PAK5: variants seen among roughly 807,000 people sequenced by gnomAD.
PAK5 encodes the protein p21 (RAC1) activated kinase 5, also known as serine/threonine-protein kinase PAK 5.
In PAK5, 16 loss-of-function variants were observed where a neutral mutation model predicts 65.9. The ratio of observed to expected loss-of-function variants is 0.24; its 90% CI spans 0.16 to 0.37. The LOEUF (loss-of-function observed/expected upper bound fraction) is 0.37. PAK5 is among the 10% of genes least tolerant of loss of function. The pLI is 1.00. For synonymous variants in PAK5, 371 were observed against 354.9 expected (o/e 1.05, Z -0.51); for missense variants, 785 against 903.9 (o/e 0.87, Z 1.69).
chr20:9,814,300 T>A (rs1006261186), intron 1 of PAK5, among the ~76,000 whole-genome samples: 5 of 152,096 alleles, frequency 3.3e-5, no homozygotes, highest in African/African-American at 1.2e-4. Context: ...TTTTGTGAGG[T>A]TTTTTAGCTG....
At chr20:9,612,161 T>C (rs537825590) in intron 3 of PAK5, among the ~76,000 whole-genome samples, 23 of 152,276 alleles carry the variant, frequency 1.5e-4, no homozygotes, top group African/African-American at 5.5e-4. Context: ...TCTAATGCTC[T>C]CAATGAGGCC....
chr20:9,824,179 T>C (rs2049458111), intron 1 of PAK5, among the ~76,000 whole-genome samples: 1 of 152,230 alleles, frequency 6.6e-6, no homozygotes, highest in Non-Finnish European at 1.5e-5. Flanking sequence ...AATTCCATAC[T>C]TTTTAAATAT....
chr20:9,614,941 A>G lies in PAK5; in HGVS notation c.204+29184T>C, dbSNP rs1379794315. 3.3e-5 allele frequency among the ~76,000 whole-genome samples: 5 copies of G among 152,370 alleles called. No homozygotes were observed. In the East Asian group the frequency reaches 9.6e-4, roughly 29 times the overall value. ...GGTAAAATGAAATTTTTAACTTGTT[A>G]CTCTTAATCTAACAGATCAATTTGT... On this transcript the variant is annotated intron_variant, in intron 3 of 9. Transcript: ENST00000353224.
intron 3 of PAK5, among the ~76,000 whole-genome samples, chr20:9,599,553 T>A (rs2046325600): frequency 6.6e-6 from 1 of 152,216 alleles, no homozygotes; most frequent in African/African-American, 2.4e-5. Context: ...ATAGCCATCC[T>A]AATGGGTGTG....
intron 1 of PAK5, among the ~76,000 whole-genome samples, chr20:9,741,442 G>T (rs770832840): frequency 1.6e-4 from 25 of 152,026 alleles, no homozygotes; most frequent in Non-Finnish European, 3.1e-4. Context: ...TAGCAATAAC[G>T]CTTTTGGAAT....
intron 2 of PAK5, among the ~76,000 whole-genome samples, chr20:9,650,205 G>A (rs1160549838): frequency 6.6e-6 from 1 of 152,224 alleles, no homozygotes; most frequent in Non-Finnish European, 1.5e-5. Context: ...TCTGAATGTT[G>A]CTTCCATGAT....
chr20:9,752,540 T>G (rs1478820896), intron 1 of PAK5, among the ~76,000 whole-genome samples: 1 of 152,086 alleles, frequency 6.6e-6, no homozygotes, highest in Non-Finnish European at 1.5e-5. Flanking sequence ...ATATGATAAA[T>G]TTTTGAGGTG....
intron 2 of PAK5, among the ~76,000 whole-genome samples, chr20:9,645,116 C>T (rs542306964): frequency 3.9e-4 from 60 of 152,196 alleles, no homozygotes; most frequent in Non-Finnish European, 7.2e-4. Flanking sequence ...TAATTATACA[C>T]CTCTGGACAA....
At position 9,538,792 on chromosome 20, in the gene PAK5, A is replaced by C. The variant is rs2045210430; in HGVS notation, c.*670T>G. ...ATCACTCTTAATTCTTCTTCCACCA[A>C]ATAAGACACTTGTTAGGATAAGAAA... On this transcript the variant is annotated 3_prime_UTR_variant, in exon 10 of 10. Transcript: ENST00000353224. 2 of 233,378 alleles carry C rather than the reference A, an allele frequency of 8.6e-6. No homozygotes were observed. The highest frequency in any genetic ancestry group is 1.7e-5 in the Non-Finnish European group (2 of 117,960). The allele number at this position is 233,378 out of a possible 1,614,324, so 14.5% of individuals were successfully genotyped here.
intron 1 of PAK5, among the ~76,000 whole-genome samples, chr20:9,831,518 T>C (rs571222856): frequency 6.6e-6 from 1 of 152,254 alleles, no homozygotes; most frequent in Non-Finnish European, 1.5e-5. Context: ...TGACTAATTT[T>C]TTTTTCCAAG....
intron 2 of PAK5, among the ~76,000 whole-genome samples, chr20:9,671,930 G>T (rs2047504350): frequency 6.6e-6 from 1 of 152,094 alleles, no homozygotes; most frequent in Non-Finnish European, 1.5e-5. Context: ...CCCTGTTCCT[G>T]TCAAAGAACT....
chr20:9,719,119 C>G (rs534333695), intron 1 of PAK5, among the ~76,000 whole-genome samples: 1 of 152,216 alleles, frequency 6.6e-6, no homozygotes, highest in South Asian at 2.1e-4. Context: ...GAGGAGAAAG[C>G]AACATAATAG....
chr20:9,692,425 C>A (rs2047810486), intron 2 of PAK5, among the ~76,000 whole-genome samples: 1 of 152,146 alleles, frequency 6.6e-6, no homozygotes, highest in South Asian at 2.1e-4. Flanking sequence ...AGTTTATCCA[C>A]AGAACTTTGG....
chr20:9,621,483 A>G (rs1224403921), intron 3 of PAK5, among the ~76,000 whole-genome samples: 2 of 151,834 alleles, frequency 1.3e-5, no homozygotes, highest in East Asian at 3.9e-4. Flanking sequence ...AGTCTCTTAC[A>G]TATTTCCAGG....
intron 1 of PAK5, among the ~76,000 whole-genome samples, chr20:9,791,636 C>T (rs2049051522): frequency 6.6e-6 from 1 of 152,248 alleles, no homozygotes; most frequent in Admixed American, 6.5e-5. Flanking sequence ...AATTCAGGCA[C>T]TGGTGATTCA....
chr20:9,655,816 C>T (rs190958232), intron 2 of PAK5, among the ~76,000 whole-genome samples: 6 of 152,088 alleles, frequency 3.9e-5, no homozygotes, highest in Non-Finnish European at 7.4e-5. Context: ...AGTCCAAGAT[C>T]AAGGTGTTGG....
intron 1 of PAK5, among the ~76,000 whole-genome samples, chr20:9,773,972 G>A (rs2048860976): frequency 6.6e-6 from 1 of 152,194 alleles, no homozygotes; most frequent in Non-Finnish European, 1.5e-5. Flanking sequence ...GACAGTGAGG[G>A]AAACTTATGT....
At chr20:9,813,489 T>C (rs1235820281) in intron 1 of PAK5, among the ~76,000 whole-genome samples, 1 of 152,018 alleles carries the variant, frequency 6.6e-6, no homozygotes, top group African/African-American at 2.4e-5. Context: ...ACCACATAGT[T>C]TTAAGTAATA....
chr20:9,557,670 T>C lies in PAK5; in HGVS notation c.1681A>G (p.Asn561Asp). 6.2e-7 allele frequency: 1 copy of C among 1,612,034 alleles called. No homozygotes were observed. The highest frequency in any genetic ancestry group is 8.5e-7 in the Non-Finnish European group (1 of 1,178,252). The change falls in exon 7 of 10, where the codon AAC becomes GAC. Residue 561 changes from asparagine to aspartate, a missense_variant. By Grantham distance (23) the Asn-to-Asp change is conservative. Transcript: ENST00000353224. The stretch of plus-strand genomic sequence containing the variant: ...ATGTCCCTGTGAATCACTCCTTGGT[T>C]ATGAAGGTAGGAGAGAGCTCTCAGA... Reference protein sequence around the residue: ...SVLRALSYLHNQGVIHRDIKS... With the variant: ...SVLRALSYLHDQGVIHRDIKS...
Sources: gnomAD v4.1 joint callset for allele counts (sites outside exome capture counted in the v4.1 genomes callset) on GRCh38, gnomAD v4.1.1 for gene constraint, MANE v1.5 for transcripts, NCBI Gene and HGNC (gene_info 2026-07-23, HGNC 2026-07-21) for gene names.